ATF6: variants seen among roughly 807,000 people sequenced by gnomAD.
The protein encoded by ATF6 is activating transcription factor 6, also known as cyclic AMP-dependent transcription factor ATF-6 alpha.
In ATF6, 53 loss-of-function variants were observed where a neutral mutation model predicts 83.6. The ratio of observed to expected loss-of-function variants is 0.63; its 90% CI spans 0.51 to 0.80. The LOEUF is 0.80. Among genes scored for constraint, ATF6 ranks in the 30% least tolerant of loss-of-function variants. ATF6 has a pLI of 0.00. For missense variants in ATF6, 744 were observed against 797.9 expected (o/e 0.93, Z 0.81); for synonymous variants, 288 against 285.8 (o/e 1.01, Z -0.08).
rs1347292431 is a variant in ATF6 at position 161,860,242 on chromosome 1, G to T, written c.1569G>T (p.Met523Ile). The T allele has an allele frequency of 6.3e-7, 1 of 1,595,840 alleles. No homozygotes were observed. ...ALEQGSNSQL[M>I]AVQYTETTSS... ...AACAGGGCTCAAATTCTCAGCTGAT[G>T]GCTGTTCAATACACAGAAACCACTA... The change falls in exon 13 of 16, where the codon ATG (methionine) becomes ATT (isoleucine). Residue 523 changes from methionine (M) to isoleucine (I), a missense_variant. Transcript: ENST00000367942.
chr1:161,830,398 A>T (rs1213013282), intron 9 of ATF6, among the ~76,000 whole-genome samples: 1 of 152,208 alleles, frequency 6.6e-6, no homozygotes, highest in Non-Finnish European at 1.5e-5. Flanking sequence ...ATTCAATGCC[A>T]TCTCCATCAA....
intron 12 of ATF6, among the ~76,000 whole-genome samples, chr1:161,858,502 C>A (rs939720543): frequency 1.3e-5 from 2 of 152,010 alleles, no homozygotes; most frequent in African/African-American, 4.8e-5. Flanking sequence ...AAGTAGACTT[C>A]CAAACAAAGA....
rs115167829 is a variant in ATF6 at position 161,792,333 on chromosome 1, T to C, written c.688+6T>C. 1 of 1,612,250 alleles carries C rather than the reference T, an allele frequency of 6.2e-7. No homozygotes were observed. The highest frequency in any genetic ancestry group is 1.3e-5 in the African/African-American group (1 of 75,022). ...ACAACCTGCACCCACTAAAGGTACC[T>C]GAGCAGAATTTAAGGCTGTGTAAAT... On this transcript the variant is annotated splice_donor_region_variant and intron_variant, in intron 6 of 15. Transcript: ENST00000367942.
Position 161,853,336 on chromosome 1 carries a change from T to G in ATF6, c.1533+13T>G, listed in dbSNP as rs372094399. The G allele has an allele frequency of 2.5e-6, 4 of 1,598,770 alleles. No homozygotes were observed. In the African/African-American group the frequency reaches 5.4e-5, roughly 21 times the overall value. On this transcript the variant is annotated intron_variant, in intron 12 of 15. Transcript: ENST00000367942. ...CCGTATTCTTCAGGTATGTTTCTGT[T>G]TGTCTTTGAACAATAGTTGGCGTAT...
At chr1:161,847,023 G>A (rs1557992733) in intron 10 of ATF6, among the ~76,000 whole-genome samples, 1 of 152,024 alleles carries the variant, frequency 6.6e-6, no homozygotes, top group Non-Finnish European at 1.5e-5. Flanking sequence ...TGTGATCTTT[G>A]TTGAATCCCT....
chr1:161,904,891 T>C (rs961038323), intron 14 of ATF6, among the ~76,000 whole-genome samples: 1 of 152,224 alleles, frequency 6.6e-6, no homozygotes, highest in African/African-American at 2.4e-5. Flanking sequence ...GAAAATTTGT[T>C]CACTGATGTA....
At chr1:161,791,374 A>G (rs1684876407) in intron 4 of ATF6, 34 bp from the exon 5 acceptor site, 1 of 1,578,238 alleles carries the variant, frequency 6.3e-7, no homozygotes, top group Non-Finnish European at 8.6e-7. Flanking sequence ...CTTAAGGATT[A>G]TACTCATTAA....
intron 1 of ATF6, among the ~76,000 whole-genome samples, chr1:161,775,516 T>C (rs12037266): frequency 0.13 from 19,984 of 152,194 alleles, 1,823 homozygotes; most frequent in East Asian, 0.31. Context: ...TTCCTTCCTT[T>C]GTTCCGTGAT....
chr1:161,818,527 A>G (rs1476525090), intron 7 of ATF6, among the ~76,000 whole-genome samples: 1 of 152,170 alleles, frequency 6.6e-6, no homozygotes, highest in African/African-American at 2.4e-5. Flanking sequence ...AGAGCATTAG[A>G]GTGTTCCAGT....
intron 6 of ATF6, among the ~76,000 whole-genome samples, chr1:161,796,223 A>G (rs749628949): frequency 6.6e-6 from 1 of 152,192 alleles, no homozygotes; most frequent in Non-Finnish European, 1.5e-5. Context: ...AGGGCTTTAA[A>G]TCTGTAACTG....
intron 9 of ATF6, among the ~76,000 whole-genome samples, chr1:161,832,007 C>T (rs1176711538): frequency 6.6e-6 from 1 of 150,740 alleles, no homozygotes; most frequent in African/African-American, 2.4e-5. Flanking sequence ...GAGCACATGT[C>T]TGCTTCTTTC....
At chr1:161,780,642 G>A (rs1684613084) in intron 2 of ATF6, among the ~76,000 whole-genome samples, 1 of 152,114 alleles carries the variant, frequency 6.6e-6, no homozygotes, top group Non-Finnish European at 1.5e-5. Flanking sequence ...CAAAGTGCTG[G>A]GATTACAGGC....
In ATF6 at chr1:161,927,293, G is replaced by A. The variant is rs1571242351; in HGVS notation, c.1804+14913G>A. Among the ~76,000 whole-genome samples the A allele has an allele frequency of 2.0e-5, 3 of 152,146 alleles. No homozygotes were observed. The South Asian group carries it at 6.2e-4, about 32-fold the overall frequency. ...CAAGCATTTTATTTAAATATAAAAT[G>A]TAATTTGTTTACGATACCAAGAACA... is the stretch of plus-strand genomic sequence containing the variant. On this transcript the variant is annotated intron_variant, in intron 15 of 15. Coordinates refer to ENST00000367942, the MANE Select transcript of ATF6 (RefSeq NM_007348.4).
At chr1:161,819,516 G>A (rs998707260) in intron 7 of ATF6, 117 bp from the exon 8 acceptor site, 5 of 725,460 alleles carry the variant, frequency 6.9e-6, no homozygotes, top group Non-Finnish European at 1.0e-5. Flanking sequence ...GAAACAACTA[G>A]TAACCTATGC....
intron 14 of ATF6, chr1:161,891,698 A>G (rs973371057): frequency 1.3e-5 from 2 of 152,018 alleles, no homozygotes; most frequent in African/African-American, 2.4e-5. Context: ...TCTCCACCCC[A>G]TTTGCCTTCA....
At chr1:161,947,152 T>C (rs1688762886) in intron 15 of ATF6, among the ~76,000 whole-genome samples, 1 of 152,182 alleles carries the variant, frequency 6.6e-6, no homozygotes, top group African/African-American at 2.4e-5. Context: ...ATGGGAACGA[T>C]ACAAGGATTA....
At position 161,802,067 on chromosome 1, in the gene ATF6, T is replaced by G; in HGVS notation, c.704T>G (p.Leu235Arg). ...TCTAACGCAGGCCAGACGGTTTTGC[T>G]GTCTCAGCCTACTGTGGTACAACTT... ...PAPTKGQTVLLSQPTVVQLQA... is the reference protein window; with the variant it reads ...PAPTKGQTVLRSQPTVVQLQA... The change falls in exon 7 of 16, where the codon CTG (leucine) becomes CGG (arginine). Residue 235 changes from leucine to arginine, a missense_variant. Physicochemically the swap from Leu to Arg is moderately radical, Grantham distance 102. Coordinates refer to ENST00000367942, the MANE Select transcript of ATF6 (RefSeq NM_007348.4). 3 of 1,614,108 alleles carry G rather than the reference T, an allele frequency of 1.9e-6. No homozygotes were observed. The highest frequency in any genetic ancestry group is 2.5e-6 in the Non-Finnish European group (3 of 1,179,984).
chr1:161,894,295 A>T (rs1008899725), intron 14 of ATF6, among the ~76,000 whole-genome samples: 1 of 151,156 alleles, frequency 6.6e-6, no homozygotes, highest in African/African-American at 2.4e-5. Context: ...TTAGTTTTAA[A>T]TTCTAAAACT....
chr1:161,771,643 T>C (rs1684392023), intron 1 of ATF6, among the ~76,000 whole-genome samples: 1 of 152,190 alleles, frequency 6.6e-6, no homozygotes, highest in African/African-American at 2.4e-5. Context: ...TCTTGTTCTC[T>C]TGCCCAGGTT....
Sources: gnomAD v4.1 joint callset for allele counts (sites outside exome capture counted in the v4.1 genomes callset) on GRCh38, gnomAD v4.1.1 for gene constraint, MANE v1.5 for transcripts, NCBI Gene and HGNC (gene_info 2026-07-23, HGNC 2026-07-21) for gene names.